AFG1L: variants seen among roughly 807,000 people sequenced by gnomAD.
AFG1L encodes the protein AFG1-like ATPase.
In AFG1L, 53 loss-of-function variants were observed where a neutral mutation model predicts 62.2. The observed-to-expected ratio is 0.85, with a 90% CI of 0.68 to 1.07. The LOEUF is 1.07. AFG1L is among the 50% of genes least tolerant of loss of function. The pLI is 0.00. For missense variants in AFG1L, 555 were observed against 590.5 expected (o/e 0.94, Z 0.62); for synonymous variants, 228 against 210.3 (o/e 1.08, Z -0.73).
intron 6 of AFG1L, among the ~76,000 whole-genome samples, chr6:108,391,777 T>A (rs1398706421): frequency 2.0e-5 from 3 of 152,172 alleles, no homozygotes; most frequent in African/African-American, 7.2e-5. Context: ...TAAAAAGCCA[T>A]GCAACAGAAT....
At chr6:108,405,049 A>G (rs991357236) in intron 7 of AFG1L, among the ~76,000 whole-genome samples, 3 of 152,116 alleles carry the variant, frequency 2.0e-5, no homozygotes, top group African/African-American at 7.2e-5. Context: ...GTAGTTAAAT[A>G]CTGCTTGTGA....
chr6:108,466,735 A>T (rs1332452714), intron 8 of AFG1L, among the ~76,000 whole-genome samples: 1 of 148,046 alleles, frequency 6.8e-6, no homozygotes, highest in South Asian at 2.1e-4. Context: ...TTATATATAT[A>T]TATTTTTTAA....
intron 10 of AFG1L, among the ~76,000 whole-genome samples, chr6:108,487,573 G>A (rs909285082): frequency 6.6e-6 from 1 of 152,054 alleles, no homozygotes; most frequent in Non-Finnish European, 1.5e-5. Context: ...CCTTTTAGCT[G>A]TAACAGTCTC....
intron 4 of AFG1L, 86 bp from the exon 5 acceptor site, chr6:108,356,604 G>A: frequency 2.2e-6 from 2 of 927,360 alleles, no homozygotes; most frequent in Non-Finnish European, 3.0e-6. Context: ...CCATACTAAA[G>A]TTTCATTTAG....
chr6:108,368,803 G>T (rs1779866590), intron 6 of AFG1L, among the ~76,000 whole-genome samples: 2 of 152,190 alleles, frequency 1.3e-5, no homozygotes, highest in African/African-American at 2.4e-5. Context: ...AACTAACTGA[G>T]GAAGGACAGC....
intron 8 of AFG1L, among the ~76,000 whole-genome samples, chr6:108,475,288 G>C (rs1012073054): frequency 6.6e-6 from 1 of 152,160 alleles, no homozygotes; most frequent in South Asian, 2.1e-4. Context: ...TTTGGTTACT[G>C]TAGCCTTGCA....
chr6:108,360,821 C>T (rs577976847), intron 5 of AFG1L, among the ~76,000 whole-genome samples: 5 of 152,304 alleles, frequency 3.3e-5, no homozygotes, highest in African/African-American at 1.2e-4. Flanking sequence ...ACTTATCCCC[C>T]TTCCCTAAAA....
At chr6:108,431,727 C>T (rs1208426711) in intron 7 of AFG1L, among the ~76,000 whole-genome samples, 7 of 150,728 alleles carry the variant, frequency 4.6e-5, no homozygotes, top group African/African-American at 1.2e-4. Context: ...GGATTATAGG[C>T]GCCTGCCACC....
Position 108,525,298 on chromosome 6 carries a change from G to T in AFG1L, c.*2873G>T, listed in dbSNP as rs1582705361. 1 of 152,134 alleles carries T rather than the reference G, an allele frequency of 6.6e-6. No homozygotes were observed. The highest frequency in any genetic ancestry group is 6.5e-5 in the Admixed American group (1 of 15,276). 9.4% of individuals were successfully genotyped at this position (152,134 alleles called of 1,614,324 possible). A position where few individuals can be genotyped will look rare whatever the true frequency, so the allele number is the denominator to read the frequency against. On this transcript the variant is annotated 3_prime_UTR_variant, in exon 13 of 13. Transcript: ENST00000368977. Reference sequence around the variant, plus strand: ...CTTTAGGCAGTGTATGAGCTTATTTGCTGATATCACTAATCCTGAGATGAA... The same window carrying T: ...CTTTAGGCAGTGTATGAGCTTATTTTCTGATATCACTAATCCTGAGATGAA...
intron 1 of AFG1L, among the ~76,000 whole-genome samples, chr6:108,310,575 C>CT (rs79088170): frequency 0.073 from 9,719 of 132,490 alleles, 894 homozygotes; most frequent in African/African-American, 0.19. Flanking sequence ...TTTTCACCTT[C>CT]TTTTTTTTTT....
intron 6 of AFG1L, among the ~76,000 whole-genome samples, chr6:108,371,138 C>T (rs1398466470): frequency 6.6e-6 from 1 of 152,166 alleles, no homozygotes; most frequent in Non-Finnish European, 1.5e-5. Flanking sequence ...GCTGTTAAAA[C>T]CCCAAATCAG....
intron 7 of AFG1L, among the ~76,000 whole-genome samples, chr6:108,432,393 A>G (rs370363796): frequency 9.2e-5 from 14 of 152,020 alleles, no homozygotes; most frequent in African/African-American, 2.9e-4. Context: ...TTTCCACAGT[A>G]CCCTACTCTT....
At chr6:108,361,338 A>C (rs1025571500) in intron 5 of AFG1L, among the ~76,000 whole-genome samples, 3 of 152,184 alleles carry the variant, frequency 2.0e-5, no homozygotes, top group Admixed American at 1.3e-4. Context: ...TACAATAGAA[A>C]ATAAGTTCAA....
intron 2 of AFG1L, chr6:108,344,745 C>T (rs1408011108): frequency 2.1e-6 from 1 of 470,866 alleles, no homozygotes; most frequent in African/African-American, 2.0e-5. Flanking sequence ...TGAACTCACT[C>T]CACCCTGTCA....
chr6:108,381,041 C>T (rs1780488613), intron 6 of AFG1L, among the ~76,000 whole-genome samples: 2 of 152,206 alleles, frequency 1.3e-5, no homozygotes, highest in Non-Finnish European at 2.9e-5. Context: ...TACTATCTTG[C>T]TATTTCCAAG....
intron 6 of AFG1L, among the ~76,000 whole-genome samples, chr6:108,387,287 G>A (rs1224689619): frequency 6.6e-6 from 1 of 152,272 alleles, no homozygotes; most frequent in Non-Finnish European, 1.5e-5. Flanking sequence ...GGCTTCCCAA[G>A]GTGGCGAAGG....
At chr6:108,349,360 T>C (rs1452685080) in intron 3 of AFG1L, among the ~76,000 whole-genome samples, 1 of 151,902 alleles carries the variant, frequency 6.6e-6, no homozygotes, top group African/African-American at 2.4e-5. Context: ...GGCATGTGCC[T>C]ATAGTCCCAA....
chr6:108,378,965 A>G (rs1044992687), intron 6 of AFG1L, among the ~76,000 whole-genome samples: 1 of 138,234 alleles, frequency 7.2e-6, no homozygotes, highest in Non-Finnish European at 1.6e-5. Flanking sequence ...GAACAGCCCT[A>G]TGCTGCTGCT....
intron 10 of AFG1L, among the ~76,000 whole-genome samples, chr6:108,486,671 C>T (rs1289971159): frequency 6.6e-6 from 1 of 152,096 alleles, no homozygotes; most frequent in Non-Finnish European, 1.5e-5. Context: ...ATGTAAGATC[C>T]AGCCCTCCAA....
Sources: allele counts gnomAD v4.1 joint callset (sites outside exome capture counted in the v4.1 genomes callset), GRCh38; gene constraint gnomAD v4.1.1; transcripts MANE v1.5; gene names NCBI Gene and HGNC (gene_info 2026-07-23, HGNC 2026-07-21).